PCDHGA4: variants seen among roughly 807,000 people sequenced by gnomAD.
PCDHGA4 encodes protocadherin gamma subfamily A, 4.
In PCDHGA4, 38 loss-of-function variants were observed where a neutral mutation model predicts 54.6. That is an observed-to-expected ratio of 0.70 (90% confidence interval 0.54 to 0.91). The LOEUF is 0.91. Ranked by LOEUF, PCDHGA4 falls within the 40% of genes least tolerant of loss-of-function variation. The pLI, the probability that PCDHGA4 is intolerant of heterozygous loss-of-function variation, is 0.00. For synonymous variants in PCDHGA4, 511 were observed against 512.9 expected (o/e 1.00, Z 0.05); for missense variants, 1,298 against 1,220.9 (o/e 1.06, Z -0.94).
intron 1 of PCDHGA4, chr5:141,388,789 T>G: frequency 1.9e-6 from 3 of 1,613,948 alleles, no homozygotes; most frequent in Non-Finnish European, 2.5e-6. Flanking sequence ...ATTACTGTTT[T>G]AAATACATTA....
intron 1 of PCDHGA4, chr5:141,382,843 C>T (rs1588925022): frequency 5.4e-6 from 8 of 1,471,852 alleles, no homozygotes; most frequent in East Asian, 2.3e-5. Flanking sequence ...CCCGGATACA[C>T]CCGCATTCTG....
intron 1 of PCDHGA4, among the ~76,000 whole-genome samples, chr5:141,452,909 T>C (rs1408054133): frequency 6.6e-6 from 1 of 152,232 alleles, no homozygotes; most frequent in Non-Finnish European, 1.5e-5. Flanking sequence ...GTTGGCATTA[T>C]ACAGTAAGAA....
chr5:141,455,533 T>C (rs1232689740), intron 1 of PCDHGA4, among the ~76,000 whole-genome samples: 1 of 152,134 alleles, frequency 6.6e-6, no homozygotes, highest in African/African-American at 2.4e-5. Flanking sequence ...TGACCAGGCA[T>C]ATCATTCACG....
intron 1 of PCDHGA4, chr5:141,364,511 G>A (rs371508186): frequency 2.5e-6 from 4 of 1,613,922 alleles, no homozygotes; most frequent in Non-Finnish European, 1.7e-6. Context: ...GGAGCTGGCG[G>A]AGCGCGGAGT....
At chr5:141,423,631 T>G (rs1452661307) in intron 1 of PCDHGA4, 2 of 1,603,990 alleles carry the variant, frequency 1.2e-6, no homozygotes, top group African/African-American at 2.7e-5. Flanking sequence ...AGCTATCATT[T>G]TAGGCAAATG....
At chr5:141,423,397 C>T (rs759822483) in intron 1 of PCDHGA4, 3 of 1,614,146 alleles carry the variant, frequency 1.9e-6, no homozygotes, top group East Asian at 2.2e-5. Context: ...GCATAAGTCA[C>T]GCCTGCTGCA....
intron 1 of PCDHGA4, among the ~76,000 whole-genome samples, chr5:141,466,868 CA>C (rs1343260699): frequency 1.3e-5 from 2 of 152,100 alleles, no homozygotes; most frequent in African/African-American, 2.4e-5. Flanking sequence ...GAAATCCACA[CA>C]TTTTTTTCAT....
intron 1 of PCDHGA4, chr5:141,383,002 G>C (rs376825891): frequency 1.2e-6 from 2 of 1,613,768 alleles, no homozygotes; most frequent in African/African-American, 1.3e-5. Context: ...TCTCTACTCC[G>C]TGTCGGAGGA....
At chr5:141,510,862 C>T (rs764422869) in intron 3 of PCDHGA4, 85 bp from the exon 4 acceptor site, 22 of 1,606,772 alleles carry the variant, frequency 1.4e-5, no homozygotes, top group Non-Finnish European at 1.7e-5. Flanking sequence ...GCTGTATAGG[C>T]ATTCATTAAC....
At position 141,418,522 on chromosome 5, in the gene PCDHGA4, C is replaced by T. The variant is rs751177053; in HGVS notation, c.2514+60901C>T. The T allele has an allele frequency of 1.5e-5, 24 of 1,613,884 alleles. No individual in the cohort carries two copies. The African/African-American group carries it at 2.7e-4, about 18-fold the overall frequency. ...CCGCCTTAGATGGTGGGGACCCTCC[C>T]CGAAGCGGTACTGCTCAGATAAGAA... is the stretch of plus-strand genomic sequence containing the variant. On this transcript the variant is annotated intron_variant, in intron 1 of 3. Transcript: ENST00000571252.
At chr5:141,479,740 C>T (rs1434967266) in intron 1 of PCDHGA4, 1 of 152,168 alleles carries the variant, frequency 6.6e-6, no homozygotes, top group Non-Finnish European at 1.5e-5. Context: ...AGTATATGCA[C>T]AATGTGAAAG....
In PCDHGA4 at chr5:141,356,612, T is replaced by C. The variant is rs550399659; in HGVS notation, c.1505T>C (p.Ile502Thr). 2.5e-6 allele frequency: 4 copies of C among 1,614,160 alleles called. No homozygotes were observed. The East Asian group carries it at 6.7e-5, about 27-fold the overall frequency. The change falls in exon 1 of 4, where the codon ATC becomes ACC. Residue 502 changes from isoleucine (I) to threonine (T), a missense_variant. Transcript: ENST00000571252. ...GAAAACAACCCCAGAGGAGCCTCCA[T>C]CTTATCTATGACTGCTCAAGACCCT... ...IPENNPRGAS[I>T]LSMTAQDPDS...
intron 1 of PCDHGA4, among the ~76,000 whole-genome samples, chr5:141,456,818 G>A (rs1214373156): frequency 1.3e-5 from 2 of 151,890 alleles, no homozygotes; most frequent in Admixed American, 6.6e-5. Context: ...CAAAAAATTA[G>A]CCATCGTGGT....
chr5:141,400,314 C>G (rs764415393), intron 1 of PCDHGA4: 1 of 1,614,078 alleles, frequency 6.2e-7, no homozygotes, highest in Non-Finnish European at 8.5e-7. Flanking sequence ...GTCTCTGTGT[C>G]AAGTCTGGAC....
Position 141,487,373 on chromosome 5 carries a change from C to T in PCDHGA4, c.2515-7434C>T. 2 of 1,614,224 alleles carry T rather than the reference C, an allele frequency of 1.2e-6. No homozygotes were observed. Among genetic ancestry groups the T allele is most frequent in the Non-Finnish European group, 1.7e-6 (2 of 1,180,042 alleles). On this transcript the variant is annotated intron_variant, in intron 1 of 3. Transcript: ENST00000571252. This position sits in a 1 kb window ranked among gnomAD's most constrained non-coding sequence, Gnocchi z 5.0. ...CTTTCCTGCTGGCACCTGTGCCTGTCTCACCAGATCTCGAAGGAGGGAGGG... is the reference window on the plus strand; with the variant it reads ...CTTTCCTGCTGGCACCTGTGCCTGTTTCACCAGATCTCGAAGGAGGGAGGG...
chr5:141,385,068 C>G, intron 1 of PCDHGA4: 1 of 1,614,206 alleles, frequency 6.2e-7, no homozygotes, highest in South Asian at 1.1e-5. Context: ...ACAAGTCACG[C>G]CTGCTGCAGG....
intron 1 of PCDHGA4, chr5:141,403,361 A>T (rs760277157): frequency 3.1e-6 from 5 of 1,614,050 alleles, no homozygotes; most frequent in Middle Eastern, 1.6e-4. Context: ...CCAGGCCGAA[A>T]GTCTGGAAGT....
chr5:141,399,008 G>GC, intron 1 of PCDHGA4: 1 of 1,613,904 alleles, frequency 6.2e-7, no homozygotes, highest in Non-Finnish European at 8.5e-7. Flanking sequence ...AATTCAAAGA[G>GC]CGGAGAAATT....
chr5:141,511,641 A>C lies in PCDHGA4; in HGVS notation c.*468A>C. On this transcript the variant is annotated 3_prime_UTR_variant, in exon 4 of 4. Transcript: ENST00000571252. ...TCTGAAAAGTTGGAAGGGCATCATG[A>C]CCTCTTGGCCTCTCCTTTGATTCTC... 1 of 224,930 alleles carries C rather than the reference A, an allele frequency of 4.4e-6. No homozygotes were observed. The allele number at this position is 224,930 out of a possible 1,614,324, so 13.9% of individuals were successfully genotyped here. A position where few individuals can be genotyped will look rare whatever the true frequency, so the allele number is the denominator to read the frequency against.
Sources: gnomAD v4.1 joint callset for allele counts (sites outside exome capture counted in the v4.1 genomes callset) on GRCh38, gnomAD v4.1.1 for gene constraint, Gnocchi (gnomAD v3.1) non-coding constraint, MANE v1.5 for transcripts, NCBI Gene and HGNC (gene_info 2026-07-23, HGNC 2026-07-21) for gene names.